TMEM132D: variants seen among roughly 807,000 people sequenced by gnomAD.
TMEM132D encodes mature OL transmembrane protein.
A neutral mutation model predicts 62.3 loss-of-function variants in TMEM132D; 21 were observed. The ratio of observed to expected loss-of-function variants is 0.34; its 90% CI spans 0.24 to 0.49. TMEM132D has a LOEUF of 0.49. TMEM132D is among the 20% of genes least tolerant of loss of function. The pLI is 0.99. For missense variants in TMEM132D, 1,346 were observed against 1,402.8 expected, an observed-to-expected ratio of 0.96 and a Z score of 0.65; for synonymous variants, 621 against 575.6, an observed-to-expected ratio of 1.08 and a Z score of -1.13.
chr12:129,887,842 A>G (rs958582021), intron 1 of TMEM132D, among the ~76,000 whole-genome samples: 2 of 152,018 alleles, frequency 1.3e-5, no homozygotes, highest in South Asian at 4.1e-4. Context: ...GCAAAAAACA[A>G]CTCCCTAATG....
At chr12:129,760,048 G>A (rs576074549) in intron 1 of TMEM132D, among the ~76,000 whole-genome samples, 8 of 152,180 alleles carry the variant, frequency 5.3e-5, no homozygotes, top group Admixed American at 5.2e-4. Context: ...GGGGCGACAG[G>A]TGTTTGCCAT....
intron 2 of TMEM132D, among the ~76,000 whole-genome samples, chr12:129,624,133 A>G (rs563905437): frequency 9.2e-5 from 14 of 152,324 alleles, no homozygotes; most frequent in Non-Finnish European, 1.8e-4. Context: ...CAGAGACTAC[A>G]TAAGTCTCTC....
chr12:129,442,306 G>C (rs1026736352), intron 3 of TMEM132D, among the ~76,000 whole-genome samples: 4 of 152,264 alleles, frequency 2.6e-5, no homozygotes, highest in Admixed American at 6.5e-5. Flanking sequence ...AGCACCGTGC[G>C]GGCAACACCT....
At chr12:129,374,781 C>T (rs116217503) in intron 3 of TMEM132D, among the ~76,000 whole-genome samples, 85 of 152,204 alleles carry the variant, frequency 5.6e-4, no homozygotes, top group African/African-American at 1.9e-3. Flanking sequence ...CCTGCAGACC[C>T]GACAATATGT....
chr12:129,534,625 C>T (rs1210179173), intron 2 of TMEM132D, among the ~76,000 whole-genome samples: 4 of 152,080 alleles, frequency 2.6e-5, no homozygotes, highest in Non-Finnish European at 4.4e-5. Context: ...GCTTATATGA[C>T]CCACCTCTCT....
chr12:129,209,563 A>G lies in TMEM132D; in HGVS notation c.1400T>C (p.Leu467Pro), dbSNP rs1244496092. Residue 467 changes from leucine (L) to proline (P), a missense_variant, in exon 5 of 9, where the codon CTG (leucine) becomes CCG (proline). Physicochemically the swap from Leu to Pro is moderately conservative, Grantham distance 98. Coordinates refer to ENST00000422113, the MANE Select transcript of TMEM132D (RefSeq NM_133448.3). Reference sequence around the variant, plus strand: ...AGACGATCTACACTCCACAGACTCCAGCAGCTCTGTCACTGTGCCGTCGTC... The same window carrying G: ...AGACGATCTACACTCCACAGACTCCGGCAGCTCTGTCACTGTGCCGTCGTC... Reference protein sequence around the residue: ...VEDDGTVTELLESVECRSSDE... With the variant: ...VEDDGTVTELPESVECRSSDE... The G allele has an allele frequency of 7.4e-6, 12 of 1,614,060 alleles. No homozygotes were observed. The highest frequency in any genetic ancestry group is 1.3e-5 in the African/African-American group (1 of 74,944).
At chr12:129,246,361 G>A (rs1880112516) in intron 4 of TMEM132D, among the ~76,000 whole-genome samples, 1 of 152,192 alleles carries the variant, frequency 6.6e-6, no homozygotes, top group African/African-American at 2.4e-5. Context: ...GAGCACCACG[G>A]CCGCTCTGCT....
intron 5 of TMEM132D, among the ~76,000 whole-genome samples, chr12:129,151,423 A>T (rs1336210090): frequency 6.6e-6 from 1 of 152,144 alleles, no homozygotes; most frequent in Non-Finnish European, 1.5e-5. Context: ...AGGTGCAGAG[A>T]GGGGGCTGGG....
intron 2 of TMEM132D, among the ~76,000 whole-genome samples, chr12:129,648,440 G>A (rs1879842031): frequency 6.6e-6 from 1 of 152,090 alleles, no homozygotes; most frequent in Non-Finnish European, 1.5e-5. Flanking sequence ...TAAAACTCCG[G>A]TATCCTGTTT....
chr12:129,301,331 C>T (rs1881708480), intron 4 of TMEM132D, among the ~76,000 whole-genome samples: 1 of 152,120 alleles, frequency 6.6e-6, no homozygotes, highest in Non-Finnish European at 1.5e-5. Flanking sequence ...GTATACAGCA[C>T]ACACCTTATG....
chr12:129,562,366 C>T lies in TMEM132D; in HGVS notation c.969-31161G>A, dbSNP rs79650911. Among the ~76,000 whole-genome samples the T allele has an allele frequency of 7.9e-3, 1,205 of 152,236 alleles. 24 individuals are homozygous for T. Among genetic ancestry groups the T allele is most frequent in the African/African-American group, 0.027 (1,126 of 41,534 alleles). On this transcript the variant is annotated intron_variant, in intron 2 of 8. Transcript: ENST00000422113. ...TGCAGACCAAGTTACCCAGCTCGAA[C>T]GCCATTCCCTACTAGCAAGCATTTT... is the stretch of plus-strand genomic sequence containing the variant.
chr12:129,520,562 A>G (rs183586403), intron 3 of TMEM132D, among the ~76,000 whole-genome samples: 9 of 152,124 alleles, frequency 5.9e-5, no homozygotes, highest in Non-Finnish European at 1.3e-4. Context: ...AGTGACCCTG[A>G]AAGTTTGATG....
intron 2 of TMEM132D, among the ~76,000 whole-genome samples, chr12:129,582,494 G>A (rs892720234): frequency 6.6e-6 from 1 of 152,218 alleles, no homozygotes; most frequent in Non-Finnish European, 1.5e-5. Context: ...CTGAGGCAGG[G>A]GGTGATGAGC....
At chr12:129,619,157 T>C (rs928676807) in intron 2 of TMEM132D, among the ~76,000 whole-genome samples, 1 of 152,204 alleles carries the variant, frequency 6.6e-6, no homozygotes, top group African/African-American at 2.4e-5. Context: ...TAATGAGGCA[T>C]GTCCCACCCC....
At chr12:129,787,071 G>A (rs1396501254) in intron 1 of TMEM132D, among the ~76,000 whole-genome samples, 1 of 152,142 alleles carries the variant, frequency 6.6e-6, no homozygotes, top group Non-Finnish European at 1.5e-5. Context: ...ACTGGGAGCT[G>A]TGAAAAGCTT....
intron 4 of TMEM132D, among the ~76,000 whole-genome samples, chr12:129,302,815 A>G (rs963013996): frequency 2.0e-5 from 3 of 152,222 alleles, no homozygotes; most frequent in African/African-American, 7.2e-5. Flanking sequence ...AGTCATTGGG[A>G]GAAGGAAAGC....
chr12:129,623,373 C>T lies in TMEM132D; in HGVS notation c.968+76437G>A, dbSNP rs577020269. On this transcript the variant is annotated intron_variant, in intron 2 of 8. Transcript: ENST00000422113. The stretch of plus-strand genomic sequence containing the variant: ...TGGTGAAGGCTGGGCTTTCACTGGA[C>T]CTGTCACCCAAAGAGTGTGCAGTGT... Among the ~76,000 whole-genome samples the T allele has an allele frequency of 3.3e-5, 5 of 152,158 alleles. No individual in the cohort carries two copies. The East Asian group carries it at 9.6e-4, about 29-fold the overall frequency.
At chr12:129,711,482 T>A (rs1881643137) in intron 1 of TMEM132D, among the ~76,000 whole-genome samples, 3 of 152,174 alleles carry the variant, frequency 2.0e-5, no homozygotes, top group Admixed American at 2.0e-4. Context: ...TCCCAGCACT[T>A]TGGGAGGCCA....
At chr12:129,561,167 G>A (rs559568301) in intron 2 of TMEM132D, among the ~76,000 whole-genome samples, 1 of 152,178 alleles carries the variant, frequency 6.6e-6, no homozygotes, top group African/African-American at 2.4e-5. Context: ...GATACTTAAG[G>A]TGGAACGTAA....
Sources: allele counts gnomAD v4.1 joint callset (sites outside exome capture counted in the v4.1 genomes callset), GRCh38; gene constraint gnomAD v4.1.1; transcripts MANE v1.5; gene names NCBI Gene and HGNC (gene_info 2026-07-23, HGNC 2026-07-21).